P3H2: variants seen among roughly 807,000 people sequenced by gnomAD.
P3H2 encodes prolyl 3-hydroxylase 2.
In P3H2, 80 loss-of-function variants were observed where a neutral mutation model predicts 87.0. That is an observed-to-expected ratio of 0.92 (90% CI 0.77 to 1.11). P3H2 has a LOEUF of 1.11. Among genes scored for constraint, P3H2 ranks in the 50% least tolerant of loss-of-function variants. The pLI is 0.00. For synonymous variants in P3H2, 367 were observed against 359.3 expected (o/e 1.02, Z -0.24); for missense variants, 1,001 against 923.9 (o/e 1.08, Z -1.08).
chr3:190,062,364 TGCAA>T (rs1472841472), intron 1 of P3H2, among the ~76,000 whole-genome samples: 1 of 152,194 alleles, frequency 6.6e-6, no homozygotes, highest in African/African-American at 2.4e-5. Flanking sequence ...CAATCCTTGA[TGCAA>T]GCATCATTTA....
chr3:190,096,609 G>T (rs1727596297), intron 1 of P3H2, among the ~76,000 whole-genome samples: 1 of 152,206 alleles, frequency 6.6e-6, no homozygotes, highest in Non-Finnish European at 1.5e-5. Flanking sequence ...AGAGAAGCAT[G>T]TAGCTTTCAC....
At chr3:190,024,321 G>A (rs116049721) in intron 1 of P3H2, among the ~76,000 whole-genome samples, 3,441 of 152,022 alleles carry the variant, frequency 0.023, 129 homozygotes, top group African/African-American at 0.077. Flanking sequence ...GGTGGTTCAC[G>A]AGGTCAGGAG....
At chr3:189,990,310 T>C (rs188095234) in intron 3 of P3H2, among the ~76,000 whole-genome samples, 2 of 152,314 alleles carry the variant, frequency 1.3e-5, no homozygotes, top group Admixed American at 1.3e-4. Flanking sequence ...GATTAGCATG[T>C]TAGAAATAAA....
intron 1 of P3H2, among the ~76,000 whole-genome samples, chr3:190,081,296 T>C (rs1241750134): frequency 1.3e-5 from 2 of 152,146 alleles, no homozygotes; most frequent in Non-Finnish European, 2.9e-5. Flanking sequence ...GAGATAGAAG[T>C]CTTTAAGACT....
intron 1 of P3H2, among the ~76,000 whole-genome samples, chr3:190,071,004 A>G (rs542227137): frequency 6.6e-6 from 1 of 152,244 alleles, no homozygotes; most frequent in Non-Finnish European, 1.5e-5. Context: ...AATGAGTAAA[A>G]TAATTTTGGC....
rs570975925 is a variant in P3H2, at chr3:189,987,561, T to C, written c.1064A>G (p.Asp355Gly). Residue 355 changes from aspartate (D) to glycine (G), a missense_variant, in exon 5 of 15, where the codon GAT (aspartate) becomes GGT (glycine). Physicochemically the swap from Asp to Gly is moderately conservative, Grantham distance 94. Coordinates refer to ENST00000319332, the MANE Select transcript of P3H2 (RefSeq NM_018192.4). ...NVDYYESLLD[D>G]SIDPASIEAR... The stretch of plus-strand genomic sequence containing the variant: ...CTCAATGGATGCCGGGTCAATGCTA[T>C]CATCCAGCAGACTCTCATAGTAATC... 3.0e-5 allele frequency: 48 copies of C among 1,613,710 alleles called. No individual in the cohort carries two copies. The South Asian group carries it at 4.1e-4, about 14-fold the overall frequency.
intron 2 of P3H2, 50 bp from the exon 3 acceptor site, chr3:189,994,333 C>CAA: frequency 6.8e-7 from 1 of 1,465,588 alleles, no homozygotes; most frequent in Non-Finnish European, 9.5e-7. Flanking sequence ...AACAAACAAA[C>CAA]AAAAAAACCC....
intron 1 of P3H2, among the ~76,000 whole-genome samples, chr3:189,998,377 ACTGACT>A (rs1280716284): frequency 2.0e-5 from 3 of 152,192 alleles, no homozygotes; most frequent in Non-Finnish European, 2.9e-5. Flanking sequence ...AGGATATTCC[ACTGACT>A]TAGAGAATCT....
At chr3:190,102,846 GT>G (rs144050545) in intron 1 of P3H2, among the ~76,000 whole-genome samples, 10,678 of 152,082 alleles carry the variant, frequency 0.07, 483 homozygotes, top group African/African-American at 0.13. Context: ...AAACTTTCTT[GT>G]TTTTTTGTTT....
chr3:190,096,973 G>T (rs891011510), intron 1 of P3H2, among the ~76,000 whole-genome samples: 1 of 152,176 alleles, frequency 6.6e-6, no homozygotes, highest in Non-Finnish European at 1.5e-5. Flanking sequence ...TGAACAGACA[G>T]CAACTGTGAC....
chr3:190,062,828 C>T (rs1432647026), intron 1 of P3H2, among the ~76,000 whole-genome samples: 1 of 152,094 alleles, frequency 6.6e-6, no homozygotes, highest in East Asian at 1.9e-4. Flanking sequence ...CATATCCTAA[C>T]CACCACCAAG....
At position 190,044,692 on chromosome 3, in the gene P3H2, CA is replaced by C. The variant is rs1455646066; in HGVS notation, c.481-49251del. ...GAAAATACAATGGTACAAGCTAGGACAAAAACTATCACATATGGAGGAGTGA... is the reference window on the plus strand; with the variant it reads ...GAAAATACAATGGTACAAGCTAGGACAAAACTATCACATATGGAGGAGTGA... On this transcript the variant is annotated intron_variant, in intron 1 of 14. Coordinates refer to ENST00000319332, the MANE Select transcript of P3H2 (RefSeq NM_018192.4). Among the ~76,000 whole-genome samples the C allele has an allele frequency of 3.7e-4, 56 of 152,252 alleles. 1 individual carries two copies. Among genetic ancestry groups the C allele is most frequent in the Admixed American group, 3.7e-3 (56 of 15,296 alleles).
chr3:190,021,058 G>GC lies in P3H2; in HGVS notation c.481-25617dup. 1.5e-5 allele frequency among the ~76,000 whole-genome samples: 2 copies of GC among 134,524 alleles called. 1 individual carries two copies. Among genetic ancestry groups the GC allele is most frequent in the South Asian group, 5.4e-4 (2 of 3,728 alleles). The allele number at this position is 134,524 out of a possible 152,430, so 88.3% of individuals were successfully genotyped here. On this transcript the variant is annotated intron_variant, in intron 1 of 14. Coordinates refer to ENST00000319332, the MANE Select transcript of P3H2 (RefSeq NM_018192.4). ...CCCAGGACCCTAAGTAACCATCTTT[G>GC]CCTTACACCAGGCTAGAGTCCTCTA...
At chr3:190,062,563 G>C (rs537358161) in intron 1 of P3H2, among the ~76,000 whole-genome samples, 7 of 151,982 alleles carry the variant, frequency 4.6e-5, no homozygotes, top group African/African-American at 1.7e-4. Context: ...GGACTTAATA[G>C]GTGTCCAGTG....
At chr3:190,006,261 CTATT>C (rs774842368) in intron 1 of P3H2, among the ~76,000 whole-genome samples, 8 of 152,156 alleles carry the variant, frequency 5.3e-5, no homozygotes, top group Non-Finnish European at 1.0e-4. Context: ...GCTGGATAGA[CTATT>C]TATATCATAT....
intron 1 of P3H2, among the ~76,000 whole-genome samples, chr3:190,092,225 T>A (rs1727429817): frequency 8.5e-6 from 1 of 117,472 alleles, no homozygotes; most frequent in Non-Finnish European, 1.7e-5. Flanking sequence ...GGAACGAGAC[T>A]CCGTCAAAAA....
chr3:189,976,812 T>A (rs1358829013), intron 8 of P3H2, among the ~76,000 whole-genome samples: 1 of 152,198 alleles, frequency 6.6e-6, no homozygotes, highest in Non-Finnish European at 1.5e-5. Context: ...TTTATAAATA[T>A]GGAATTTTTG....
chr3:189,997,240 T>C (rs1724080062), intron 1 of P3H2, among the ~76,000 whole-genome samples: 1 of 152,218 alleles, frequency 6.6e-6, no homozygotes. Flanking sequence ...CAGGATGGTC[T>C]CGATCTCCTG....
At chr3:190,056,327 CCT>C (rs1203755596) in intron 1 of P3H2, among the ~76,000 whole-genome samples, 1 of 152,170 alleles carries the variant, frequency 6.6e-6, no homozygotes, top group Non-Finnish European at 1.5e-5. Context: ...AAGCTGTCCC[CCT>C]GATAGAGACC....
Sources: allele counts gnomAD v4.1 joint callset (sites outside exome capture counted in the v4.1 genomes callset), GRCh38; gene constraint gnomAD v4.1.1; transcripts MANE v1.5; gene names NCBI Gene and HGNC (gene_info 2026-07-23, HGNC 2026-07-21).